MARCHF1: variants seen among roughly 807,000 people sequenced by gnomAD.
MARCHF1 encodes E3 ubiquitin-protein ligase MARCHF1.
Under a neutral mutation model 54.2 loss-of-function variants are expected in MARCHF1, and 40 were observed. That is an observed-to-expected ratio of 0.74 (90% CI 0.57 to 0.96). The LOEUF (loss-of-function observed/expected upper bound fraction) is 0.96. MARCHF1 is among the 40% of genes least tolerant of loss of function. The probability of loss-of-function intolerance (pLI) is 0.00; values close to 1 mark genes in which losing one functional copy is unlikely to be tolerated. For missense variants in MARCHF1, 586 were observed against 656.5 expected (o/e 0.89, Z 1.17); for synonymous variants, 236 against 236.3 (o/e 1.00, Z 0.01).
intron 5 of MARCHF1, among the ~76,000 whole-genome samples, chr4:163,666,663 C>A (rs569301915): frequency 6.6e-5 from 10 of 151,834 alleles, no homozygotes; most frequent in Non-Finnish European, 1.3e-4. Flanking sequence ...TTTCAGGGAA[C>A]AGTAGGATCA....
chr4:163,823,295 TATAAG>T (rs970423969), intron 4 of MARCHF1, among the ~76,000 whole-genome samples: 9 of 151,912 alleles, frequency 5.9e-5, no homozygotes, highest in Admixed American at 1.3e-4. Context: ...AAAAACTAAA[TATAAG>T]AGAATATGAA....
intron 1 of MARCHF1, among the ~76,000 whole-genome samples, chr4:164,290,438 C>T (rs902597806): frequency 6.6e-6 from 1 of 151,888 alleles, no homozygotes; most frequent in African/African-American, 2.4e-5. Context: ...CACTTGTATT[C>T]AGAAGCATTC....
intron 1 of MARCHF1, among the ~76,000 whole-genome samples, chr4:164,199,673 C>CAGAG (rs1288691654): frequency 8.7e-4 from 53 of 60,728 alleles, no homozygotes; most frequent in Non-Finnish European, 1.1e-3. Context: ...CACACACACA[C>CAGAG]ACACACACAG....
chr4:164,336,330 A>G (rs1463695464), intron 1 of MARCHF1, among the ~76,000 whole-genome samples: 1 of 152,172 alleles, frequency 6.6e-6, no homozygotes, highest in Non-Finnish European at 1.5e-5. Context: ...GGAATAAAGG[A>G]AATACTAACC....
intron 4 of MARCHF1, among the ~76,000 whole-genome samples, chr4:163,717,877 C>T (rs1235401403): frequency 6.6e-6 from 1 of 152,098 alleles, no homozygotes; most frequent in Non-Finnish European, 1.5e-5. Flanking sequence ...GTCCTGGAGG[C>T]ATCATGCTAC....
chr4:163,550,409 AAC>A (rs1739069933), intron 8 of MARCHF1, among the ~76,000 whole-genome samples: 1 of 152,060 alleles, frequency 6.6e-6, no homozygotes. Context: ...CAGCTTCCGT[AAC>A]AGTCACGTGA....
At chr4:163,789,553 G>A (rs993012215) in intron 4 of MARCHF1, among the ~76,000 whole-genome samples, 4 of 151,830 alleles carry the variant, frequency 2.6e-5, no homozygotes, top group African/African-American at 9.7e-5. Flanking sequence ...CACATTTAAT[G>A]TATATTAGAG....
chr4:163,884,796 T>C (rs896006061), intron 3 of MARCHF1, among the ~76,000 whole-genome samples: 4 of 152,158 alleles, frequency 2.6e-5, no homozygotes, highest in African/African-American at 9.7e-5. Flanking sequence ...GGCATCCATT[T>C]TAGAAATGGT....
chr4:163,843,787 A>ATT (rs199995611), intron 4 of MARCHF1, among the ~76,000 whole-genome samples: 7 of 147,612 alleles, frequency 4.7e-5, no homozygotes, highest in South Asian at 2.2e-4. Flanking sequence ...GAGAATATCT[A>ATT]TTTTTTTTTT....
At chr4:164,338,604 A>C (rs183462320) in intron 1 of MARCHF1, among the ~76,000 whole-genome samples, 1 of 152,336 alleles carries the variant, frequency 6.6e-6, no homozygotes, top group East Asian at 1.9e-4. Context: ...GAGCAGGGGT[A>C]ATTATATAAG....
At chr4:163,584,965 C>T (rs1038174684) in intron 8 of MARCHF1, 1 of 152,142 alleles carries the variant, frequency 6.6e-6, no homozygotes, top group Non-Finnish European at 1.5e-5. Context: ...AAGTTACATG[C>T]TAAAATCCAG....
chr4:164,189,636 C>T (rs1731070383), intron 1 of MARCHF1: 1 of 919,622 alleles, frequency 1.1e-6, no homozygotes, highest in African/African-American at 1.6e-5. Context: ...ATGTATGTCC[C>T]CTTACATTTG....
chr4:163,843,548 T>G (rs987557831), intron 4 of MARCHF1, among the ~76,000 whole-genome samples: 2 of 152,086 alleles, frequency 1.3e-5, no homozygotes, highest in African/African-American at 4.8e-5. Flanking sequence ...ATTATTATTT[T>G]TTAAGTTCCA....
intron 1 of MARCHF1, among the ~76,000 whole-genome samples, chr4:164,335,332 C>T (rs1185309917): frequency 6.6e-6 from 1 of 152,090 alleles, no homozygotes; most frequent in Non-Finnish European, 1.5e-5. Flanking sequence ...CCTGTAATCC[C>T]AGCACTTTGG....
At chr4:164,325,347 A>ATATATATATATATG (rs1735247303) in intron 1 of MARCHF1, among the ~76,000 whole-genome samples, 1 of 149,380 alleles carries the variant, frequency 6.7e-6, no homozygotes, top group Non-Finnish European at 1.5e-5. Context: ...ATATATATAT[A>ATATATATATATATG]TATATATATT....
intron 1 of MARCHF1, among the ~76,000 whole-genome samples, chr4:164,328,491 G>C (rs754525821): frequency 1.3e-4 from 19 of 151,926 alleles, no homozygotes; most frequent in Non-Finnish European, 2.9e-5. Context: ...GAAGAGCAAA[G>C]ACCAAGTGGA....
intron 9 of MARCHF1, 103 bp from the exon 10 acceptor site, chr4:163,529,149 A>ATTATGTATGTTAACAGAAAT: frequency 1.3e-6 from 1 of 760,496 alleles, no homozygotes; most frequent in Admixed American, 3.0e-5. Context: ...TGCCTTCTAG[A>ATTATGTATGTTAACAGAAAT]TTATGTATGT....
intron 4 of MARCHF1, among the ~76,000 whole-genome samples, chr4:163,730,214 T>C (rs933304949): frequency 6.6e-6 from 1 of 152,176 alleles, no homozygotes; most frequent in Admixed American, 6.5e-5. Context: ...TATTGTACTT[T>C]TCATCTACAG....
At chr4:163,547,935 T>C (rs768933423) in intron 8 of MARCHF1, among the ~76,000 whole-genome samples, 2 of 152,244 alleles carry the variant, frequency 1.3e-5, no homozygotes, top group African/African-American at 2.4e-5. Flanking sequence ...ACTATATTTA[T>C]ATATTATTCC....
Sources: allele counts gnomAD v4.1 joint callset (sites outside exome capture counted in the v4.1 genomes callset), GRCh38; gene constraint gnomAD v4.1.1; transcripts MANE v1.5; gene names NCBI Gene and HGNC (gene_info 2026-07-23, HGNC 2026-07-21).